The following ACOT12 variants were observed in gnomAD, a reference collection of about 807,000 sequenced individuals.
ACOT12 encodes the protein acyl-CoA thioesterase 12, also known as acetyl-coenzyme A thioesterase.
In ACOT12, 51 loss-of-function variants were observed where a neutral mutation model predicts 67.7. The ratio of observed to expected loss-of-function variants is 0.75; its 90% CI spans 0.60 to 0.95. ACOT12 has a LOEUF of 0.95. Ranked by LOEUF, ACOT12 falls within the 40% of genes least tolerant of loss-of-function variation. ACOT12 has a pLI of 0.00. For missense variants in ACOT12, 734 were observed against 708.1 expected (o/e 1.04, Z -0.41); for synonymous variants, 251 against 244.6 (o/e 1.03, Z -0.24).
chr5:81,393,854 C>T (rs776896889), intron 1 of ACOT12, 134 bp downstream of exon 1: 22 of 1,026,576 alleles, frequency 2.1e-5, no homozygotes, highest in Non-Finnish European at 2.8e-5. Flanking sequence ...TGTTGCAACA[C>T]CCCTATCCCT....
the ACOT12 span, among the ~76,000 whole-genome samples, chr5:81,312,187 G>A: frequency 6.6e-6 from 1 of 152,180 alleles, no homozygotes; most frequent in Non-Finnish European, 1.5e-5. Flanking sequence ...AATTTCACAG[G>A]TGGAATCTTG....
At chr5:81,360,103 TG>T in intron 4 of ACOT12, 65 bp from the exon 5 acceptor site, 1 of 1,527,980 alleles carries the variant, frequency 6.5e-7, no homozygotes, top group Non-Finnish European at 8.8e-7. Context: ...GCATGAATTT[TG>T]CAAAACAAAT....
At chr5:81,314,714 A>C in the ACOT12 span, among the ~76,000 whole-genome samples, 19 of 152,374 alleles carry the variant, frequency 1.2e-4, no homozygotes, top group Non-Finnish European at 2.4e-4. Flanking sequence ...ACAAGACCAC[A>C]TGCATTATAA....
At chr5:81,389,133 G>A (rs528136682) in intron 1 of ACOT12, among the ~76,000 whole-genome samples, 4 of 152,200 alleles carry the variant, frequency 2.6e-5, no homozygotes, top group African/African-American at 7.2e-5. Context: ...ATGACAGTCA[G>A]TAACTGAGAT....
rs1229206693 is a variant in ACOT12 at position 81,349,123 on chromosome 5, T to C, written c.497-1193A>G. Among the ~76,000 whole-genome samples, 3 of 152,212 alleles carry C rather than the reference T, an allele frequency of 2.0e-5. No homozygotes were observed. The East Asian group carries it at 5.8e-4, about 29-fold the overall frequency. The stretch of plus-strand genomic sequence containing the variant: ...TGAGCTTGCAGTGTGAGAGGGAAGA[T>C]ATGCCCAGCAACTGTTGCTGCTCTC... On this transcript the variant is annotated intron_variant, in intron 5 of 14. Transcript: ENST00000307624.
chr5:81,340,664 A>G (rs1431537968), intron 11 of ACOT12, among the ~76,000 whole-genome samples: 1 of 152,342 alleles, frequency 6.6e-6, no homozygotes, highest in Non-Finnish European at 1.5e-5. Flanking sequence ...CTGGCCCAAA[A>G]GTATGATTCT....
intron 11 of ACOT12, among the ~76,000 whole-genome samples, chr5:81,341,998 TA>T (rs764765771): frequency 1.1e-4 from 16 of 151,260 alleles, no homozygotes; most frequent in South Asian, 2.1e-4. Flanking sequence ...TTTATTTATT[TA>T]TTTTTTTTAG....
chr5:81,339,865 TA>T (rs1320631177), intron 11 of ACOT12, among the ~76,000 whole-genome samples: 2 of 151,270 alleles, frequency 1.3e-5, no homozygotes, highest in Non-Finnish European at 2.9e-5. Context: ...TTTTACCATC[TA>T]ATTTATATTG....
chr5:81,336,035 CCA>C (rs1491045329), intron 11 of ACOT12, 134 bp from the exon 12 acceptor site: 9 of 971,506 alleles, frequency 9.3e-6, no homozygotes, highest in East Asian at 2.7e-5. Flanking sequence ...AATTGAAGCC[CCA>C]TGGCAATTTC....
At chr5:81,359,569 C>A (rs1759836796) in intron 5 of ACOT12, among the ~76,000 whole-genome samples, 1 of 152,200 alleles carries the variant, frequency 6.6e-6, no homozygotes, top group Non-Finnish European at 1.5e-5. Context: ...GCTTAGTAAG[C>A]CACGAAGCAC....
At chr5:81,335,984 A>T in intron 11 of ACOT12, 83 bp from the exon 12 acceptor site, 1 of 1,390,564 alleles carries the variant, frequency 7.2e-7, no homozygotes, top group Non-Finnish European at 9.7e-7. Context: ...ATGTAGTCAT[A>T]GACCAATTGC....
chr5:81,332,492 T>G lies in ACOT12; in HGVS notation c.1376A>C (p.Lys459Thr). 1 of 1,614,028 alleles carries G rather than the reference T, an allele frequency of 6.2e-7. No individual in the cohort carries two copies. The highest frequency in any genetic ancestry group is 8.5e-7 in the Non-Finnish European group (1 of 1,179,966). Residue 459 changes from lysine (K) to threonine (T), a missense_variant, in exon 13 of 15, where the codon AAA becomes ACA. Transcript: ENST00000307624. ...ATATACTCACCCATCTTTGAGGGGT[T>G]TTCTTCGTGATACGAGTACTACCAA... ...KDLVVLVSRRKPLKDGNTYTV... is the reference protein window; with the variant it reads ...KDLVVLVSRRTPLKDGNTYTV...
chr5:81,389,638 C>T (rs1037088102), intron 1 of ACOT12, among the ~76,000 whole-genome samples: 2 of 152,010 alleles, frequency 1.3e-5, no homozygotes, highest in Non-Finnish European at 2.9e-5. Flanking sequence ...AGAGATTCTC[C>T]TGCTCAGCCT....
At chr5:81,312,584 T>G in the ACOT12 span, 3 of 1,613,836 alleles carry the variant, frequency 1.9e-6, no homozygotes, top group Non-Finnish European at 2.5e-6. Flanking sequence ...AGGGAATGAG[T>G]GCAGACTATG....
intron 12 of ACOT12, among the ~76,000 whole-genome samples, chr5:81,333,026 G>A (rs1205950949): frequency 6.6e-6 from 1 of 150,798 alleles, no homozygotes; most frequent in East Asian, 1.9e-4. Flanking sequence ...CCATGACTGT[G>A]CCACTGCAGT....
chr5:81,375,902 A>G (rs1472877419), intron 2 of ACOT12, among the ~76,000 whole-genome samples: 1 of 152,128 alleles, frequency 6.6e-6, no homozygotes, highest in African/African-American at 2.4e-5. Flanking sequence ...AGACTTTAAC[A>G]CTCCACTGTC....
intron 11 of ACOT12, among the ~76,000 whole-genome samples, chr5:81,340,078 C>A (rs1312177413): frequency 6.6e-6 from 1 of 151,666 alleles, no homozygotes; most frequent in Non-Finnish European, 1.5e-5. Flanking sequence ...CACTCTGTTG[C>A]CCAGGCTGGA....
chr5:81,393,932 CCGCCGCTCCCGCAG>C (rs1453979789), intron 1 of ACOT12, 42 bp downstream of exon 1: 1 of 1,284,798 alleles, frequency 7.8e-7, no homozygotes, highest in Admixed American at 4.3e-5. Context: ...CCCCCAGCCG[CCGCCGCTCCCGCAG>C]CCCCGGTCCC....
intron 1 of ACOT12, among the ~76,000 whole-genome samples, chr5:81,392,321 G>T (rs916564807): frequency 6.6e-6 from 1 of 152,118 alleles, no homozygotes; most frequent in African/African-American, 2.4e-5. Context: ...TGCTTATGTG[G>T]TGCCTCAGGT....
Sources: allele counts gnomAD v4.1 joint callset (sites outside exome capture counted in the v4.1 genomes callset), GRCh38; gene constraint gnomAD v4.1.1; transcripts MANE v1.5; gene names NCBI Gene and HGNC (gene_info 2026-07-23, HGNC 2026-07-21).